ASAP1: variants seen among roughly 807,000 people sequenced by gnomAD.
ASAP1 encodes the protein ArfGAP with SH3 domain, ankyrin repeat and PH domain 1, also known as arf-GAP with SH3 domain, ANK repeat and PH domain-containing protein 1.
In ASAP1, 43 loss-of-function variants were observed where a neutral mutation model predicts 145.2. That is an observed-to-expected ratio of 0.30 (90% CI 0.23 to 0.38). The LOEUF (loss-of-function observed/expected upper bound fraction) is 0.38, where lower values mean the gene tolerates loss of function less well. ASAP1 is among the 10% of genes least tolerant of loss of function. ASAP1 has a pLI of 1.00. For synonymous variants in ASAP1, 546 were observed against 515.5 expected (o/e 1.06, Z -0.80); for missense variants, 1,018 against 1,355.3 (o/e 0.75, Z 3.91).
intron 3 of ASAP1, among the ~76,000 whole-genome samples, chr8:130,320,686 A>T (rs2791346): frequency 0.82 from 124,567 of 152,112 alleles, 51,405 homozygotes; most frequent in East Asian, 0.96. Context: ...CTTTCCACAC[A>T]ACCAGGAAGA....
chr8:130,205,396 A>AC (rs1232864826), intron 5 of ASAP1, among the ~76,000 whole-genome samples: 1 of 151,634 alleles, frequency 6.6e-6, no homozygotes, highest in East Asian at 1.9e-4. Flanking sequence ...AAAAAAAAAA[A>AC]AAAACAAAAA....
chr8:130,358,500 G>A lies in ASAP1; in HGVS notation c.60-357C>T, dbSNP rs1035196087. On this transcript the variant is annotated intron_variant, in intron 2 of 29. Transcript: ENST00000518721. The surrounding 1 kb of genome is among the most constrained non-coding windows in gnomAD (Gnocchi z 4.1). ...GGGTCTTCGCGGGGGTCTGGGCTCC[G>A]GCCGGCCGCTGGGGCGTGCGCGGGC... Among the ~76,000 whole-genome samples the A allele has an allele frequency of 2.7e-5, 4 of 148,052 alleles. No homozygotes were observed. The highest frequency in any genetic ancestry group is 7.3e-5 in the African/African-American group (3 of 41,000).
At chr8:130,357,717 G>A (rs976403731) in intron 3 of ASAP1, among the ~76,000 whole-genome samples, 2 of 152,374 alleles carry the variant, frequency 1.3e-5, no homozygotes, top group East Asian at 3.9e-4. Context: ...AGATGTGGAA[G>A]CGCCGAACAG....
At chr8:130,142,923 C>A (rs1471240163) in intron 13 of ASAP1, among the ~76,000 whole-genome samples, 1 of 151,994 alleles carries the variant, frequency 6.6e-6, no homozygotes, top group Non-Finnish European at 1.5e-5. Context: ...CAGAGAGAGG[C>A]TGAGAGAGTA....
chr8:130,311,845 T>C (rs966244738), intron 3 of ASAP1, among the ~76,000 whole-genome samples: 1 of 151,382 alleles, frequency 6.6e-6, no homozygotes, highest in Non-Finnish European at 1.5e-5. Flanking sequence ...AATAATAGTA[T>C]GTCAAGCTAG....
At chr8:130,281,493 G>A (rs199740968) in intron 3 of ASAP1, among the ~76,000 whole-genome samples, 2 of 152,078 alleles carry the variant, frequency 1.3e-5, no homozygotes, top group East Asian at 3.9e-4. Flanking sequence ...CTAAGAACAG[G>A]GGTTTATATC....
intron 3 of ASAP1, among the ~76,000 whole-genome samples, chr8:130,342,022 C>T (rs932968077): frequency 3.3e-5 from 5 of 152,100 alleles, no homozygotes; most frequent in Non-Finnish European, 7.4e-5. Flanking sequence ...CCTCATCAGG[C>T]ATTTATACCT....
rs1463254374 is a variant in ASAP1 at position 130,093,927 on chromosome 8, A to T, written c.2402-1784T>A. Among the ~76,000 whole-genome samples the T allele has an allele frequency of 4.6e-5, 7 of 152,108 alleles. No individual in the cohort carries two copies. In the East Asian group the frequency reaches 1.3e-3, roughly 29 times the overall value. ...TAAGATAGGCTAGTTCTGAAAGTAA[A>T]TACTGTTAATCTCAGTAAAATTATC... On this transcript the variant is annotated intron_variant, in intron 24 of 29. Transcript: ENST00000518721.
chr8:130,262,137 C>T (rs974065129), intron 3 of ASAP1, among the ~76,000 whole-genome samples: 1 of 151,938 alleles, frequency 6.6e-6, no homozygotes, highest in Non-Finnish European at 1.5e-5. Context: ...TGGCTCACAC[C>T]TGTAATCCCA....
intron 24 of ASAP1, among the ~76,000 whole-genome samples, 174 bp downstream of exon 24, chr8:130,111,920 T>C (rs2097547558): frequency 6.6e-6 from 1 of 152,222 alleles, no homozygotes; most frequent in Non-Finnish European, 1.5e-5. Flanking sequence ...TGTCCTGCTC[T>C]TGGTACCTGG....
At chr8:130,138,637 G>T (rs1290509346) in intron 13 of ASAP1, among the ~76,000 whole-genome samples, 3 of 152,118 alleles carry the variant, frequency 2.0e-5, no homozygotes, top group Non-Finnish European at 4.4e-5. Context: ...GGGAGTTCCA[G>T]ACCCGCCTGA....
intron 3 of ASAP1, among the ~76,000 whole-genome samples, chr8:130,267,327 T>C (rs1820324509): frequency 6.6e-6 from 1 of 152,094 alleles, no homozygotes; most frequent in African/African-American, 2.4e-5. Flanking sequence ...TTCATGGACC[T>C]TGAAGAATAG....
chr8:130,258,590 G>T (rs1034065923), intron 3 of ASAP1, among the ~76,000 whole-genome samples: 2 of 152,172 alleles, frequency 1.3e-5, no homozygotes, highest in Non-Finnish European at 2.9e-5. Context: ...GAAGGGCTCT[G>T]TGAGTTGGGT....
intron 1 of ASAP1, among the ~76,000 whole-genome samples, chr8:130,425,024 AAG>A (rs1313578287): frequency 1.4e-5 from 2 of 143,880 alleles, no homozygotes; most frequent in Non-Finnish European, 3.2e-5. Flanking sequence ...AAATAAAAAA[AAG>A]AGTGGACAAA....
intron 9 of ASAP1, among the ~76,000 whole-genome samples, chr8:130,173,252 T>C (rs1357946330): frequency 3.3e-5 from 5 of 152,170 alleles, no homozygotes; most frequent in African/African-American, 9.7e-5. Context: ...TGGCAGTCAT[T>C]AGCAATGTAT....
intron 2 of ASAP1, among the ~76,000 whole-genome samples, chr8:130,376,900 T>G (rs1163916565): frequency 4.1e-5 from 2 of 49,080 alleles, no homozygotes; most frequent in Non-Finnish European, 6.8e-5. Context: ...CAAAACTCCA[T>G]CTCAAAAAAA....
chr8:130,077,537 C>CTTTT lies in ASAP1; in HGVS notation c.2643-1135_2643-1132dup, dbSNP rs58327713. On this transcript the variant is annotated intron_variant, in intron 26 of 29. Transcript: ENST00000518721. ...TAAGAGTTGGTTGCTGCTGCTGCTGCTTTTTTTTTTTTTTTTTTTTTTTTT... is the reference window on the plus strand; with the variant it reads ...TAAGAGTTGGTTGCTGCTGCTGCTGCTTTTTTTTTTTTTTTTTTTTTTTTTTTTT... Among the ~76,000 whole-genome samples the CTTTT allele has an allele frequency of 4.5e-4, 28 of 62,066 alleles. 1 individual carries two copies. The highest frequency in any genetic ancestry group is 1.3e-3 in the East Asian group (2 of 1,558). 40.7% of individuals were successfully genotyped at this position (62,066 alleles called of 152,430 possible). A position where few individuals can be genotyped will look rare whatever the true frequency, so the allele number is the denominator to read the frequency against.
chr8:130,441,303 T>G (rs192286449), intron 1 of ASAP1, among the ~76,000 whole-genome samples: 4 of 152,244 alleles, frequency 2.6e-5, no homozygotes, highest in Admixed American at 2.0e-4. Flanking sequence ...AAGTTTCCGC[T>G]CCTCCTTAGG....
At chr8:130,137,978 A>G (rs559553862) in intron 13 of ASAP1, among the ~76,000 whole-genome samples, 1 of 152,356 alleles carries the variant, frequency 6.6e-6, no homozygotes, top group East Asian at 1.9e-4. Context: ...TGGAGAAATA[A>G]GCAATGAAAC....
Sources: allele counts gnomAD v4.1 joint callset (sites outside exome capture counted in the v4.1 genomes callset), GRCh38; gene constraint gnomAD v4.1.1; non-coding constraint Gnocchi (gnomAD v3.1); transcripts MANE v1.5; gene names NCBI Gene and HGNC (gene_info 2026-07-23, HGNC 2026-07-21).